The following OVCH1 variants were observed in gnomAD, a reference collection of about 807,000 sequenced individuals.
OVCH1 encodes ovochymase 1, also known as ovochymase-1.
Under a neutral mutation model 138.4 loss-of-function variants are expected in OVCH1, and 139 were observed. That is an observed-to-expected ratio of 1.00 (90% CI 0.87 to 1.16). The LOEUF (loss-of-function observed/expected upper bound fraction) is 1.16, where lower values mean the gene tolerates loss of function less well. OVCH1 is among the 50% of genes most tolerant of loss of function. The pLI is 0.00. For missense variants in OVCH1, 1,367 were observed against 1,357.9 expected (o/e 1.01, Z -0.11); for synonymous variants, 453 against 467.8 (o/e 0.97, Z 0.41).
At chr12:29,455,822 G>GTT (rs143517740) in intron 19 of OVCH1, among the ~76,000 whole-genome samples, 2 of 152,004 alleles carry the variant, frequency 1.3e-5, no homozygotes, top group African/African-American at 4.8e-5. Flanking sequence ...TGTGCTGCCT[G>GTT]TTTTTTTCTT....
chr12:29,433,378 A>C lies in OVCH1; in HGVS notation c.3327+373T>G, dbSNP rs563169453. Among the ~76,000 whole-genome samples the C allele has an allele frequency of 2.6e-5, 4 of 152,292 alleles. No individual in the cohort carries two copies. In the East Asian group the frequency reaches 7.7e-4, roughly 29 times the overall value. ...CACACGCTCTCTTGCCTGCTGCCACATAAGACGTGCCTTTACTCCTCTTTC... is the reference window on the plus strand; with the variant it reads ...CACACGCTCTCTTGCCTGCTGCCACCTAAGACGTGCCTTTACTCCTCTTTC... On this transcript the variant is annotated intron_variant, in intron 27 of 27. Transcript: ENST00000318184.
At chr12:29,488,462 C>CA (rs1398517545) in intron 6 of OVCH1, among the ~76,000 whole-genome samples, 46 of 151,218 alleles carry the variant, frequency 3.0e-4, no homozygotes. Flanking sequence ...ATTAAAAATA[C>CA]AAAAAAATTA....
exon 25 of OVCH1, chr12:29,443,403 G>A: frequency 6.2e-7 from 1 of 1,611,832 alleles, no homozygotes; most frequent in Non-Finnish European, 8.5e-7. Context: ...TAAACACGCA[G>A]ATGACCATGA....
Position 29,439,524 on chromosome 12 carries a change from A to T in OVCH1, c.3158-90T>A, listed in dbSNP as rs1040651907. ...CAAACTTCTCTACACCAACTAAAGGAAAAATCTCTATCTCTACTACAACTA... is the reference window on the plus strand; with the variant it reads ...CAAACTTCTCTACACCAACTAAAGGTAAAATCTCTATCTCTACTACAACTA... On this transcript the variant is annotated intron_variant, in intron 25 of 27. Coordinates refer to ENST00000318184, the Ensembl canonical transcript of OVCH1. 11 of 1,344,598 alleles carry T rather than the reference A, an allele frequency of 8.2e-6. No individual in the cohort carries two copies. The East Asian group carries it at 3.1e-4, about 38-fold the overall frequency. The allele number at this position is 1,344,598 out of a possible 1,614,324, so 83.3% of individuals were successfully genotyped here.
At chr12:29,405,132 C>A in the OVCH1 span, among the ~76,000 whole-genome samples, 47,023 of 147,370 alleles carry the variant, frequency 0.32, 8,614 homozygotes, top group Middle Eastern at 0.53. Context: ...CAAGTATTGA[C>A]TAATTCCTTT....
In OVCH1 at chr12:29,470,200, G is replaced by A. The variant is rs10843426; in HGVS notation, c.1856+1602C>T. 6.9e-3 allele frequency among the ~76,000 whole-genome samples: 1,047 copies of A among 152,032 alleles called. 9 individuals carry two copies. Among genetic ancestry groups the A allele is most frequent in the Non-Finnish European group, 0.011 (760 of 67,948 alleles). On this transcript the variant is annotated intron_variant, in intron 16 of 27. Coordinates refer to ENST00000318184, the Ensembl canonical transcript of OVCH1. ...ATGAATATAGCATTTAAGAAATTTA[G>A]CATAGTATTTTTTTCTCTTTTGATT...
downstream of OVCH1, among the ~76,000 whole-genome samples, chr12:29,425,363 G>C (rs1228745281): frequency 6.6e-6 from 1 of 152,188 alleles, no homozygotes; most frequent in African/African-American, 2.4e-5. Context: ...AGATTATTAA[G>C]TTGAACATTA....
chr12:29,409,731 T>C (rs912385471), downstream of OVCH1, among the ~76,000 whole-genome samples: 1 of 152,234 alleles, frequency 6.6e-6, no homozygotes, highest in Non-Finnish European at 1.5e-5. Context: ...CTTCCAATTA[T>C]GTTGTCAATT....
At chr12:29,496,271 A>G in exon 3 of OVCH1, 1 of 1,601,980 alleles carries the variant, frequency 6.2e-7, no homozygotes, top group Non-Finnish European at 8.5e-7. Context: ...ATCTGATTTT[A>G]GGGAGACCTA....
chr12:29,457,564 C>T (rs912185841), intron 19 of OVCH1, among the ~76,000 whole-genome samples: 7 of 151,364 alleles, frequency 4.6e-5, no homozygotes, highest in South Asian at 4.2e-4. Context: ...CCGTCAAGCC[C>T]GGCTAATTTT....
In OVCH1 at chr12:29,420,483, CTTTTTTTTTTTTTTTTTTTTTTTTTT is replaced by C. The variant is rs958610211; in HGVS notation, c.*71+2618_*71+2643del. 1.0e-3 allele frequency among the ~76,000 whole-genome samples: 19 copies of C among 19,002 alleles called. 2 individuals carry two copies. The highest frequency in any genetic ancestry group is 5.4e-3 in the South Asian group (4 of 736). 12.5% of individuals were successfully genotyped at this position (19,002 alleles called of 152,430 possible). A position where few individuals can be genotyped will look rare whatever the true frequency, so the allele number is the denominator to read the frequency against. ...AAAAAGAGCTGGAAGGAAAAAGCAG[CTTTTTTTTTTTTTTTTTTTTTTTTTT>C]TTTTTTTTTTTTTTTTTTTGAGACG... On this transcript the variant is annotated intron_variant and NMD_transcript_variant, in intron 3 of 4. Transcript: ENST00000539117.
exon 24 of OVCH1, chr12:29,444,215 C>T (rs2135926343): frequency 1.2e-6 from 2 of 1,612,498 alleles, no homozygotes; most frequent in South Asian, 1.1e-5. Context: ...AGAACATCCT[C>T]ACAAGGGACC....
At chr12:29,439,886 T>C (rs1393698728) in intron 25 of OVCH1, among the ~76,000 whole-genome samples, 2 of 152,190 alleles carry the variant, frequency 1.3e-5, no homozygotes, top group Non-Finnish European at 2.9e-5. Context: ...AGGATATAAT[T>C]CAGGAACAGT....
exon 22 of OVCH1, chr12:29,451,497 C>A (rs1472768609): frequency 6.2e-7 from 1 of 1,613,314 alleles, no homozygotes; most frequent in East Asian, 2.2e-5. Flanking sequence ...CAGTCTTCCT[C>A]TATAATCCAG....
chr12:29,453,758 A>G (rs994858187), intron 21 of OVCH1, among the ~76,000 whole-genome samples: 2 of 151,952 alleles, frequency 1.3e-5, no homozygotes, highest in African/African-American at 4.8e-5. Context: ...ACTTGGGGAT[A>G]CTCCACTTTG....
In OVCH1 at chr12:29,471,882, CAGACCCACCTGCCATGG is replaced by C. The variant is rs1942522265; in HGVS notation, c.1759_1775del (p.Pro587GlufsTer30). 6.2e-7 allele frequency: 1 copy of C among 1,613,286 alleles called. No individual in the cohort carries two copies. The highest frequency in any genetic ancestry group is 8.5e-7 in the Non-Finnish European group (1 of 1,179,656). ...CACATTGGTAATCGCCTAGAAACCT[CAGACCCACCTGCCATGG>C]CCAACAGTGGGGGCAGGCTTCTTCC... On this transcript the variant is annotated frameshift_variant, in exon 16 of 28. Transcript: ENST00000318184. LOFTEE classifies it high-confidence loss of function.
chr12:29,456,621 A>G (rs1941958669), intron 19 of OVCH1, among the ~76,000 whole-genome samples: 1 of 152,238 alleles, frequency 6.6e-6, no homozygotes, highest in Admixed American at 6.5e-5. Flanking sequence ...AATTAGCACT[A>G]ACATCTTCTA....
chr12:29,443,563 T>C, intron 24 of OVCH1, 63 bp from the exon 25 acceptor site: 1 of 1,429,918 alleles, frequency 7.0e-7, no homozygotes, highest in Non-Finnish European at 9.3e-7. Context: ...TTAGTTATTT[T>C]GCTCAGAAAT....
intron 19 of OVCH1, chr12:29,461,642 G>A (rs779822158): frequency 4.1e-5 from 26 of 634,192 alleles, no homozygotes; most frequent in Admixed American, 6.6e-5. Context: ...GGCCTTTGTC[G>A]CTGTACAGCT....
Sources: allele counts gnomAD v4.1 joint callset (sites outside exome capture counted in the v4.1 genomes callset), GRCh38; gene constraint gnomAD v4.1.1; transcripts MANE v1.5; gene names NCBI Gene and HGNC (gene_info 2026-07-23, HGNC 2026-07-21).